KCNAB1: variants seen among roughly 807,000 people sequenced by gnomAD.
KCNAB1 encodes voltage-gated potassium channel subunit beta-1.
KCNAB1 carries 35 observed loss-of-function variants against 64.6 expected under a neutral mutation model. That is an observed-to-expected ratio of 0.54 (90% CI 0.41 to 0.72). The LOEUF (loss-of-function observed/expected upper bound fraction) is 0.72. KCNAB1 is among the 30% of genes least tolerant of loss of function. KCNAB1 has a pLI of 0.00. For missense variants in KCNAB1, 401 were observed against 512.9 expected (o/e 0.78, Z 2.11); for synonymous variants, 177 against 183.8 (o/e 0.96, Z 0.30).
In KCNAB1 at chr3:156,289,221, C is replaced by A. The variant is rs74500160; in HGVS notation, c.276-132395C>A. ...AAGATCTTCTGTCCTCCCTGTGGAA[C>A]TGACAGCACTCCACCTCATCTCTGA... On this transcript the variant is annotated intron_variant, in intron 1 of 13. Coordinates refer to ENST00000490337, the MANE Select transcript of KCNAB1 (RefSeq NM_172160.3). Among the ~76,000 whole-genome samples, 1,025 of 152,352 alleles carry A rather than the reference C, an allele frequency of 6.7e-3. 14 individuals are homozygous for A. Among genetic ancestry groups the A allele is most frequent in the African/African-American group, 0.023 (954 of 41,574 alleles).
At chr3:156,515,328 A>G in intron 10 of KCNAB1, 108 bp downstream of exon 10, 1 of 983,464 alleles carries the variant, frequency 1.0e-6, no homozygotes, top group Non-Finnish European at 1.5e-6. Flanking sequence ...AATGTCCCTA[A>G]TTAACATAGA....
intron 7 of KCNAB1, among the ~76,000 whole-genome samples, chr3:156,472,426 G>C (rs1035533245): frequency 6.6e-6 from 1 of 152,040 alleles, no homozygotes; most frequent in Admixed American, 6.6e-5. Context: ...CTCCTCACTC[G>C]ACCCTCCCCA....
intron 1 of KCNAB1, among the ~76,000 whole-genome samples, chr3:156,200,459 A>G (rs1008908601): frequency 1.3e-5 from 2 of 152,194 alleles, no homozygotes; most frequent in Non-Finnish European, 2.9e-5. Flanking sequence ...CCAGGGAGAT[A>G]AAGTTTTATC....
intron 1 of KCNAB1, among the ~76,000 whole-genome samples, chr3:156,338,923 C>T (rs192941100): frequency 3.0e-4 from 45 of 152,318 alleles, no homozygotes; most frequent in African/African-American, 9.6e-4. Context: ...GACCACAATA[C>T]GGCCTCAACA....
intron 2 of KCNAB1, among the ~76,000 whole-genome samples, chr3:156,433,992 T>C (rs944136007): frequency 1.3e-5 from 2 of 152,148 alleles, no homozygotes; most frequent in East Asian, 1.9e-4. Context: ...TGGGGGAACA[T>C]TGGGGGTTTA....
chr3:156,224,661 T>A (rs1716035013), intron 1 of KCNAB1, among the ~76,000 whole-genome samples: 1 of 151,988 alleles, frequency 6.6e-6, no homozygotes, highest in Non-Finnish European at 1.5e-5. Context: ...AAAAGATAAA[T>A]AAAATTGATA....
chr3:156,472,381 G>A (rs1713983033), intron 7 of KCNAB1, among the ~76,000 whole-genome samples: 1 of 152,118 alleles, frequency 6.6e-6, no homozygotes, highest in South Asian at 2.1e-4. Flanking sequence ...GTTCAAAATG[G>A]AAATCTGATC....
intron 1 of KCNAB1, among the ~76,000 whole-genome samples, chr3:156,246,459 C>T (rs556956076): frequency 1.4e-4 from 21 of 152,014 alleles, no homozygotes; most frequent in East Asian, 1.4e-3. Context: ...AAAAATTAGC[C>T]GGGTGTGGTG....
chr3:156,529,760 G>C (rs980594379), intron 12 of KCNAB1, among the ~76,000 whole-genome samples: 3 of 152,226 alleles, frequency 2.0e-5, no homozygotes, highest in African/African-American at 7.2e-5. Context: ...AGTTCTTAAA[G>C]AGTACTCCCA....
At chr3:156,526,861 CA>C (rs11314730) in intron 12 of KCNAB1, among the ~76,000 whole-genome samples, 95,154 of 142,278 alleles carry the variant, frequency 0.67, 30,492 homozygotes, top group Admixed American at 0.74. Context: ...TGATTCTAGA[CA>C]AAAAAAAAAA....
At chr3:156,196,106 G>A (rs533062560) in intron 1 of KCNAB1, among the ~76,000 whole-genome samples, 1 of 152,218 alleles carries the variant, frequency 6.6e-6, no homozygotes, top group South Asian at 2.1e-4. Context: ...TAGATGTGTG[G>A]TGTAATTTCT....
intron 1 of KCNAB1, among the ~76,000 whole-genome samples, chr3:156,166,134 C>G (rs9868426): frequency 0.02 from 3,031 of 152,208 alleles, 115 homozygotes; most frequent in African/African-American, 0.07. Flanking sequence ...AGTAATATGC[C>G]ACGATACACA....
chr3:156,158,089 C>T (rs1424844953), intron 1 of KCNAB1, among the ~76,000 whole-genome samples: 1 of 150,162 alleles, frequency 6.7e-6, no homozygotes, highest in Non-Finnish European at 1.5e-5. Flanking sequence ...GGCGTGAACC[C>T]GGGAGGCGGA....
chr3:156,501,230 G>T (rs1181960189), intron 8 of KCNAB1, among the ~76,000 whole-genome samples: 1 of 152,068 alleles, frequency 6.6e-6, no homozygotes, highest in Non-Finnish European at 1.5e-5. Context: ...AGTCCAAAAA[G>T]CCTGCACAGG....
In KCNAB1 at chr3:156,176,851, G is replaced by A. The variant is rs954561659; in HGVS notation, c.275+55965G>A. On this transcript the variant is annotated intron_variant, in intron 1 of 13. Coordinates refer to ENST00000490337, the MANE Select transcript of KCNAB1 (RefSeq NM_172160.3). ...GCCACTCCCAACAGCAACTCATGCC[G>A]CTGCCGCTTGACTGGGACCAGCGGT... 4.2e-5 allele frequency: 46 copies of A among 1,098,328 alleles called. 1 individual carries two copies. The highest frequency in any genetic ancestry group is 6.0e-5 in the Non-Finnish European group (43 of 712,168). 68.0% of individuals were successfully genotyped at this position (1,098,328 alleles called of 1,614,324 possible).
intron 1 of KCNAB1, among the ~76,000 whole-genome samples, chr3:156,315,422 A>G (rs531924606): frequency 1.3e-5 from 2 of 152,318 alleles, no homozygotes; most frequent in South Asian, 4.1e-4. Flanking sequence ...CACCACTTCC[A>G]CAACCAGGAG....
Position 156,245,635 on chromosome 3 carries a change from A to G in KCNAB1, c.275+124749A>G, listed in dbSNP as rs77292405. On this transcript the variant is annotated intron_variant, in intron 1 of 13. Transcript: ENST00000490337. ...TTTGAAACATGGAAAATTAGATGCTATATCCCATGTGCCATCTTCTTCTGA... is the reference window on the plus strand; with the variant it reads ...TTTGAAACATGGAAAATTAGATGCTGTATCCCATGTGCCATCTTCTTCTGA... Among the ~76,000 whole-genome samples the G allele has an allele frequency of 2.1e-3, 321 of 152,344 alleles. 1 individual carries two copies. The highest frequency in any genetic ancestry group is 7.2e-3 in the African/African-American group (299 of 41,580).
Position 156,452,674 on chromosome 3 carries a change from C to G in KCNAB1, c.320-225C>G, listed in dbSNP as rs1438808893. On this transcript the variant is annotated intron_variant, in intron 2 of 13. Coordinates refer to ENST00000490337, the MANE Select transcript of KCNAB1 (RefSeq NM_172160.3). The surrounding 1 kb of genome is among the most constrained non-coding windows in gnomAD (Gnocchi z 4.6). ...TGTACAGTGGCTTTCAGTAAAGAAA[C>G]AGCAGCCCTTTCTCCAGAGGGATAC... Among the ~76,000 whole-genome samples, 1 of 152,102 alleles carries G rather than the reference C, an allele frequency of 6.6e-6. No individual in the cohort carries two copies. The highest frequency in any genetic ancestry group is 1.5e-5 in the Non-Finnish European group (1 of 68,028).
At chr3:156,273,635 C>T in intron 1 of KCNAB1, 1 of 456,232 alleles carries the variant, frequency 2.2e-6, no homozygotes, top group Non-Finnish European at 4.4e-6. Flanking sequence ...GTCTTTCCTA[C>T]TCTCTTCACT....
Sources: gnomAD v4.1 joint callset for allele counts (sites outside exome capture counted in the v4.1 genomes callset) on GRCh38, gnomAD v4.1.1 for gene constraint, Gnocchi (gnomAD v3.1) non-coding constraint, MANE v1.5 for transcripts, NCBI Gene and HGNC (gene_info 2026-07-23, HGNC 2026-07-21) for gene names.